The following SDF4 variants were observed in gnomAD, a reference collection of about 807,000 sequenced individuals.
SDF4 encodes stromal cell derived factor 4, also known as 45 kDa calcium-binding protein.
SDF4 carries 22 observed loss-of-function variants against 34.2 expected under a neutral mutation model. The ratio of observed to expected loss-of-function variants is 0.64; its 90% confidence interval spans 0.46 to 0.92. The LOEUF is 0.92. Ranked by LOEUF, SDF4 falls within the 40% of genes least tolerant of loss-of-function variation. SDF4 has a pLI of 0.00. For synonymous variants in SDF4, 236 were observed against 203.1 expected, an observed-to-expected ratio of 1.16 and a Z score of -1.38; for missense variants, 447 against 499.9, an observed-to-expected ratio of 0.89 and a Z score of 1.01.
chr1:1,223,715 C>T, intron 3 of SDF4, 117 bp downstream of exon 3: 1 of 1,011,710 alleles, frequency 9.9e-7, no homozygotes, highest in Non-Finnish European at 1.4e-6. Context: ...CTCCGGCTGA[C>T]ACTTCCCCAC....
chr1:1,221,802 A>G (rs1649978113), intron 4 of SDF4, among the ~76,000 whole-genome samples: 1 of 152,218 alleles, frequency 6.6e-6, no homozygotes, highest in African/African-American at 2.4e-5. Flanking sequence ...CGTACAAAAA[A>G]TACAAAAATT....
intron 4 of SDF4, chr1:1,219,858 G>A (rs12134035): frequency 0.16 from 159,901 of 985,730 alleles, 15,305 homozygotes; most frequent in African/African-American, 0.43. Flanking sequence ...CCACAAGCCC[G>A]GCAGCCTCTG....
intron 2 of SDF4, among the ~76,000 whole-genome samples, chr1:1,227,737 C>T (rs1638357021): frequency 6.6e-6 from 1 of 152,218 alleles, no homozygotes; most frequent in South Asian, 2.1e-4. Flanking sequence ...CAGGACCTGG[C>T]TCCTTGTGGG....
intron 4 of SDF4, among the ~76,000 whole-genome samples, chr1:1,222,462 C>A (rs1408165189): frequency 6.6e-6 from 1 of 152,174 alleles, no homozygotes; most frequent in African/African-American, 2.4e-5. Context: ...AACGGCCACA[C>A]CCCAGACCCA....
intron 1 of SDF4, among the ~76,000 whole-genome samples, chr1:1,229,929 C>T (rs565282410): frequency 5.3e-5 from 8 of 149,764 alleles, no homozygotes; most frequent in Admixed American, 2.6e-4. Context: ...CACGCATGCA[C>T]GTATTACACA....
intron 4 of SDF4, chr1:1,221,226 C>T: frequency 5.8e-6 from 1 of 171,254 alleles, no homozygotes; most frequent in African/African-American, 2.4e-5. Context: ...AAGGTCAAGG[C>T]CAGGCACAGG....
chr1:1,228,045 C>A (rs1487174303), intron 2 of SDF4, among the ~76,000 whole-genome samples: 1 of 152,236 alleles, frequency 6.6e-6, no homozygotes, highest in Non-Finnish European at 1.5e-5. Flanking sequence ...GCCCAGAGCA[C>A]CCTGTACCAG....
chr1:1,223,809 C>G (rs1557518311), intron 3 of SDF4, 23 bp downstream of exon 3: 1 of 1,003,806 alleles, frequency 1.0e-6, no homozygotes, highest in Non-Finnish European at 1.5e-6. Flanking sequence ...ACCGCCCCAC[C>G]CACCCCGGCC....
chr1:1,221,350 A>G (rs1649946096), intron 4 of SDF4: 2 of 154,738 alleles, frequency 1.3e-5, no homozygotes, highest in African/African-American at 2.4e-5. Context: ...CTGAAATCCA[A>G]GAGTTTGAGA....
chr1:1,219,858 G>C, intron 4 of SDF4: 9 of 985,734 alleles, frequency 9.1e-6, no homozygotes, highest in Non-Finnish European at 1.1e-5. Flanking sequence ...CCACAAGCCC[G>C]GCAGCCTCTG....
chr1:1,228,811 G>A lies in SDF4; in HGVS notation c.-39C>T, dbSNP rs1638398439. 4 of 1,555,096 alleles carry A rather than the reference G, an allele frequency of 2.6e-6. No individual in the cohort carries two copies. Among genetic ancestry groups the A allele is most frequent in the South Asian group, 1.1e-5 (1 of 87,424 alleles). On this transcript the variant is annotated 5_prime_UTR_variant, in exon 2 of 7. Transcript: ENST00000360001. ...CAGACCATGGGGCGGGCTGCAGGGT[G>A]TGGGCCAGGTGCTGGGAGGGGCAGG...
chr1:1,231,045 G>A (rs376794441), intron 1 of SDF4, among the ~76,000 whole-genome samples: 14 of 152,326 alleles, frequency 9.2e-5, no homozygotes, highest in African/African-American at 1.4e-4. Context: ...AACACAGTGA[G>A]ACTGCGTCTC....
chr1:1,224,621 C>T (rs1557519051), intron 2 of SDF4, among the ~76,000 whole-genome samples: 1 of 152,170 alleles, frequency 6.6e-6, no homozygotes, highest in Non-Finnish European at 1.5e-5. Context: ...ACACAAAAAC[C>T]TTCATATAGG....
intron 1 of SDF4, among the ~76,000 whole-genome samples, chr1:1,231,081 A>G (rs1395295639): frequency 6.6e-6 from 1 of 152,272 alleles, no homozygotes; most frequent in African/African-American, 2.4e-5. Context: ...CAAAAAGATA[A>G]GACCCTGTCT....
intron 4 of SDF4, 181 bp downstream of exon 4, chr1:1,223,061 GCA>G (rs34808371): frequency 0.062 from 36,944 of 593,830 alleles, 1,430 homozygotes; most frequent in Non-Finnish European, 0.079. Context: ...CACACAACAT[GCA>G]CACACGTACT....
At chr1:1,219,651 C>T in intron 4 of SDF4, 17 of 986,316 alleles carry the variant, frequency 1.7e-5, no homozygotes, top group Non-Finnish European at 1.6e-5. Context: ...CCTGCCGTGC[C>T]CACCCGGCCC....
At chr1:1,221,606 C>G (rs1649966064) in intron 4 of SDF4, among the ~76,000 whole-genome samples, 1 of 151,772 alleles carries the variant, frequency 6.6e-6, no homozygotes, top group African/African-American at 2.4e-5. Context: ...CCACTGCACT[C>G]CAGCCTGGGC....
At chr1:1,222,166 CT>C (rs1319263200) in intron 4 of SDF4, among the ~76,000 whole-genome samples, 1 of 152,230 alleles carries the variant, frequency 6.6e-6, no homozygotes, top group Non-Finnish European at 1.5e-5. Context: ...GCAGGCGACT[CT>C]GCACGTTCTC....
At chr1:1,228,095 G>A (rs1253429856) in intron 2 of SDF4, among the ~76,000 whole-genome samples, 2 of 152,230 alleles carry the variant, frequency 1.3e-5, no homozygotes, top group African/African-American at 4.8e-5. Context: ...TCCTCAGCCA[G>A]GCCTCGTCCA....
Sources: gnomAD v4.1 joint callset for allele counts (sites outside exome capture counted in the v4.1 genomes callset) on GRCh38, gnomAD v4.1.1 for gene constraint, MANE v1.5 for transcripts, NCBI Gene and HGNC (gene_info 2026-07-23, HGNC 2026-07-21) for gene names.